Variants in DNAH11 observed in about 807,000 individuals in gnomAD.
The protein encoded by DNAH11 is axonemal beta dynein heavy chain 11.
Under a neutral mutation model 526.0 loss-of-function variants are expected in DNAH11, and 442 were observed. That is an observed-to-expected ratio of 0.84 (90% CI 0.78 to 0.91). The LOEUF (loss-of-function observed/expected upper bound fraction) is 0.91, where lower values mean the gene tolerates loss of function less well. Ranked by LOEUF, DNAH11 falls within the 40% of genes least tolerant of loss-of-function variation. The pLI is 0.00. For synonymous variants in DNAH11, 2,461 were observed against 1,935.9 expected (o/e 1.27, Z -7.12); for missense variants, 6,989 against 5,448.7 (o/e 1.28, Z -8.90).
chr7:21,747,089 G>A (rs1207638041), intron 51 of DNAH11, among the ~76,000 whole-genome samples: 1 of 152,078 alleles, frequency 6.6e-6, no homozygotes, highest in Non-Finnish European at 1.5e-5. Context: ...TTATAGAAAG[G>A]GACTTTGCCA....
chr7:21,720,799 A>G lies in DNAH11; in HGVS notation c.7209A>G (p.Glu2403=), dbSNP rs1260213855. Residue 2403 remains glutamate, a synonymous_variant, in exon 44 of 82, where the codon GAA becomes GAG. Coordinates refer to ENST00000409508, the MANE Select transcript of DNAH11 (RefSeq NM_001277115.2). ...VPSDSPKEVY[E]VYFVFACIWA... The stretch of plus-strand genomic sequence containing the variant: ...CTGACAGCCCAAAAGAAGTTTATGA[A>G]GTCTATTTTGTATTTGCTTGTATCT... 8.1e-6 allele frequency: 13 copies of G among 1,611,560 alleles called. No homozygotes were observed. Among genetic ancestry groups the G allele is most frequent in the Middle Eastern group, 3.3e-4 (2 of 6,080 alleles).
chr7:21,592,057 A>G (rs1784705781), intron 14 of DNAH11, among the ~76,000 whole-genome samples: 1 of 152,142 alleles, frequency 6.6e-6, no homozygotes, highest in African/African-American at 2.4e-5. Context: ...AAGAGAAAAC[A>G]GAAAAAAAAC....
rs988566131 is a variant in DNAH11 at position 21,901,209 on chromosome 7, T to G, written c.13506T>G (p.Thr4502=). Residue 4502 remains threonine (T), a synonymous_variant, in exon 82 of 82, where the codon ACT becomes ACG. Coordinates refer to ENST00000409508, the MANE Select transcript of DNAH11 (RefSeq NM_001277115.2). ...WTFRLKSEEK[T]AKWVLAGVAL... ...TCAGGCTGAAGAGCGAAGAGAAGACTGCAAAATGGGTTCTGGCTGGAGTGG... is the reference window on the plus strand; with the variant it reads ...TCAGGCTGAAGAGCGAAGAGAAGACGGCAAAATGGGTTCTGGCTGGAGTGG... 19 of 1,613,742 alleles carry G rather than the reference T, an allele frequency of 1.2e-5. No homozygotes were observed. The highest frequency in any genetic ancestry group is 1.6e-5 in the Non-Finnish European group (19 of 1,179,796).
At chr7:21,603,584 A>G (rs752384746) in intron 18 of DNAH11, among the ~76,000 whole-genome samples, 32 of 152,208 alleles carry the variant, frequency 2.1e-4, no homozygotes, top group Non-Finnish European at 3.2e-4. Flanking sequence ...TATAAAGACT[A>G]TGAGAATTAC....
chr7:21,774,126 C>T (rs1375771802), intron 56 of DNAH11, 127 bp downstream of exon 56: 6 of 859,558 alleles, frequency 7.0e-6, no homozygotes, highest in Non-Finnish European at 7.0e-6. Flanking sequence ...AGTTTCATGA[C>T]ACCAAGAATA....
chr7:21,766,241 C>G (rs918133393), intron 55 of DNAH11, among the ~76,000 whole-genome samples: 1 of 152,102 alleles, frequency 6.6e-6, no homozygotes, highest in Non-Finnish European at 1.5e-5. Flanking sequence ...AAGCTTCAAG[C>G]ATTCAGATTC....
intron 28 of DNAH11, among the ~76,000 whole-genome samples, chr7:21,654,786 G>A (rs961989116): frequency 2.6e-5 from 4 of 152,158 alleles, no homozygotes; most frequent in Admixed American, 6.5e-5. Flanking sequence ...AGATGATAGA[G>A]TAACTTCCCT....
rs1171692200 is a variant in DNAH11 at position 21,749,723 on chromosome 7, C to A, written c.8719C>A (p.Pro2907Thr). The change falls in exon 53 of 82, where the codon CCC becomes ACC. Residue 2907 changes from proline to threonine, a missense_variant. Physicochemically the swap from Pro to Thr is conservative, Grantham distance 38. Transcript: ENST00000409508. Reference protein sequence around the residue: ...LYIRTGAKNMPTVFLLTDAQV... With the variant: ...LYIRTGAKNMTTVFLLTDAQV... ...CATCCGAACTGGAGCCAAGAACATG[C>A]CCACTGTGTTCCTGCTGACAGATGC... 6.2e-7 allele frequency: 1 copy of A among 1,613,978 alleles called. No homozygotes were observed. Among genetic ancestry groups the A allele is most frequent in the South Asian group, 1.1e-5 (1 of 91,070 alleles).
chr7:21,567,092 C>T (rs1183013118), intron 6 of DNAH11, among the ~76,000 whole-genome samples: 4 of 152,198 alleles, frequency 2.6e-5, no homozygotes, highest in South Asian at 2.1e-4. Flanking sequence ...ATATTTAATA[C>T]TTTCAAATTA....
At chr7:21,707,605 T>G in intron 39 of DNAH11, 94 bp from the exon 40 acceptor site, 2 of 1,440,376 alleles carry the variant, frequency 1.4e-6, no homozygotes. Context: ...TCTAGGAACA[T>G]ATAATGAATA....
At chr7:21,754,744 C>G (rs1786556171) in intron 54 of DNAH11, among the ~76,000 whole-genome samples, 1 of 152,180 alleles carries the variant, frequency 6.6e-6, no homozygotes, top group South Asian at 2.1e-4. Flanking sequence ...GGCCTTGTCA[C>G]TCAGTTTGAT....
intron 25 of DNAH11, among the ~76,000 whole-genome samples, chr7:21,625,518 C>T (rs750216480): frequency 6.6e-5 from 10 of 152,128 alleles, no homozygotes; most frequent in South Asian, 4.1e-4. Flanking sequence ...CTGCTCTGAT[C>T]GTTATCATTT....
rs184518858 is a variant in DNAH11, at chr7:21,750,899, G to A, written c.8940+535G>A. Reference sequence around the variant, plus strand: ...CATAGAGTTCTTATAGGGAGAGTGAGATCAGTAAATCTGGAAAAGTAAATT... The same window carrying A: ...CATAGAGTTCTTATAGGGAGAGTGAAATCAGTAAATCTGGAAAAGTAAATT... On this transcript the variant is annotated intron_variant, in intron 54 of 81. Transcript: ENST00000409508. Among the ~76,000 whole-genome samples the A allele has an allele frequency of 2.0e-5, 3 of 152,310 alleles. No individual in the cohort carries two copies. The East Asian group carries it at 5.8e-4, about 29-fold the overall frequency.
chr7:21,721,962 C>G (rs192223155), intron 44 of DNAH11, among the ~76,000 whole-genome samples: 23 of 152,214 alleles, frequency 1.5e-4, no homozygotes, highest in Admixed American at 1.3e-3. Flanking sequence ...AATATTCATG[C>G]CTGTACAGAT....
chr7:21,805,052 C>G (rs893505427), intron 62 of DNAH11, among the ~76,000 whole-genome samples: 1 of 152,166 alleles, frequency 6.6e-6, no homozygotes, highest in African/African-American at 2.4e-5. Context: ...CAGGCAGTCA[C>G]ATCACTGGCT....
chr7:21,826,796 G>A lies in DNAH11; in HGVS notation c.10691+8457G>A, dbSNP rs559327138. Among the ~76,000 whole-genome samples the A allele has an allele frequency of 4.6e-5, 7 of 152,290 alleles. No homozygotes were observed. The South Asian group carries it at 1.5e-3, about 32-fold the overall frequency. On this transcript the variant is annotated intron_variant, in intron 65 of 81. Transcript: ENST00000409508. ...AGGTGGGATAACACCATCCTCCTTT[G>A]AGAAACTCACATCCCTCAGAAAGTT... is the stretch of plus-strand genomic sequence containing the variant.
At chr7:21,554,879 T>G (rs1019952708) in intron 2 of DNAH11, among the ~76,000 whole-genome samples, 3 of 152,208 alleles carry the variant, frequency 2.0e-5, no homozygotes, top group African/African-American at 4.8e-5. Flanking sequence ...TACACTGTTC[T>G]AATTATTTTC....
At chr7:21,564,101 G>C in intron 5 of DNAH11, 85 bp from the exon 6 acceptor site, 1 of 951,532 alleles carries the variant, frequency 1.1e-6, no homozygotes, top group East Asian at 2.5e-5. Flanking sequence ...GTTGTTTTAC[G>C]TGGCTCTCTT....
In DNAH11 at chr7:21,750,233, G is replaced by A. The variant is rs538735006; in HGVS notation, c.8809G>A (p.Asp2937Asn). 1.0e-4 allele frequency: 164 copies of A among 1,603,874 alleles called. No homozygotes were observed. In the Admixed American group the frequency reaches 1.1e-3, roughly 11 times the overall value. Residue 2937 changes from aspartate to asparagine, a missense_variant, in exon 54 of 82, where the codon GAT (aspartate) becomes AAT (asparagine). By Grantham distance (23) the Asp-to-Asn change is conservative (BLOSUM62 1). Transcript: ENST00000409508. ...NDLLASGEIP[D>N]LFSDEDVDKI... The stretch of plus-strand genomic sequence containing the variant: ...ATTCTTTGGGGCAGGAGAAATCCCA[G>A]ATCTGTTCAGCGATGAAGATGTGGA...
Sources: gnomAD v4.1 joint callset for allele counts (sites outside exome capture counted in the v4.1 genomes callset) on GRCh38, gnomAD v4.1.1 for gene constraint, MANE v1.5 for transcripts, NCBI Gene and HGNC (gene_info 2026-07-23, HGNC 2026-07-21) for gene names.